CRYBA4: variants seen among roughly 807,000 people sequenced by gnomAD.
CRYBA4 encodes beta-crystallin A4.
A neutral mutation model predicts 31.7 loss-of-function variants in CRYBA4; 30 were observed. The ratio of observed to expected loss-of-function variants is 0.95; its 90% CI spans 0.71 to 1.28. The LOEUF (loss-of-function observed/expected upper bound fraction) is 1.28, where lower values mean the gene tolerates loss of function less well. CRYBA4 is among the 50% of genes most tolerant of loss of function. The pLI, the probability that CRYBA4 is intolerant of heterozygous loss-of-function variation, is 0.00. For missense variants in CRYBA4, 225 were observed against 260.7 expected, an observed-to-expected ratio of 0.86 and a Z score of 0.94; for synonymous variants, 102 against 102.3, an observed-to-expected ratio of 1.00 and a Z score of 0.02.
At chr22:26,622,124 C>A in intron 1 of CRYBA4, 138 bp downstream of exon 1, 1 of 271,966 alleles carries the variant, frequency 3.7e-6, no homozygotes, top group Admixed American at 5.6e-5. Flanking sequence ...AAGGATGAGC[C>A]CCAACCATCA....
intron 4 of CRYBA4, among the ~76,000 whole-genome samples, chr22:26,626,273 A>G (rs1300895912): frequency 2.6e-5 from 4 of 152,174 alleles, no homozygotes; most frequent in Non-Finnish European, 4.4e-5. Context: ...GTGTGGTGGC[A>G]CATGCCTGTA....
At chr22:26,609,978 C>T in the CRYBA4 span, among the ~76,000 whole-genome samples, 1 of 152,168 alleles carries the variant, frequency 6.6e-6, no homozygotes, top group African/African-American at 2.4e-5. Context: ...AATACTGTTC[C>T]TGATTAAAGG....
intron 3 of CRYBA4, among the ~76,000 whole-genome samples, chr22:26,623,765 T>A (rs199762186): frequency 6.7e-6 from 1 of 148,414 alleles, no homozygotes; most frequent in African/African-American, 2.5e-5. Context: ...TCATTTTTTG[T>A]AAAAAAAAAA....
At chr22:26,599,670 C>G in the CRYBA4 span, 5 of 1,613,924 alleles carry the variant, frequency 3.1e-6, no homozygotes, top group Non-Finnish European at 4.2e-6. Flanking sequence ...GATAGCCAAC[C>G]CATCTGAGAG....
intron 5 of CRYBA4, among the ~76,000 whole-genome samples, chr22:26,629,822 G>T (rs5761641): frequency 2.6e-5 from 4 of 151,400 alleles, no homozygotes; most frequent in African/African-American, 9.7e-5. Flanking sequence ...AGGGAGAAAG[G>T]GGAAAGAACA....
the CRYBA4 span, among the ~76,000 whole-genome samples, chr22:26,603,138 A>G: frequency 1.3e-5 from 2 of 148,754 alleles, no homozygotes; most frequent in African/African-American, 5.0e-5. Flanking sequence ...AAAAAAAAAA[A>G]AAAAAACAAA....
At chr22:26,591,952 A>T in the CRYBA4 span, among the ~76,000 whole-genome samples, 2 of 148,822 alleles carry the variant, frequency 1.3e-5, no homozygotes. Flanking sequence ...CACAGATATT[A>T]AGTAATTTGC....
At position 26,630,549 on chromosome 22, in the gene CRYBA4, T is replaced by G. The variant is rs1057281661; in HGVS notation, c.*62T>G. 1 of 1,457,372 alleles carries G rather than the reference T, an allele frequency of 6.9e-7. No individual in the cohort carries two copies. Among genetic ancestry groups the G allele is most frequent in the Non-Finnish European group, 9.4e-7 (1 of 1,060,186 alleles). 90.3% of individuals were successfully genotyped at this position (1,457,372 alleles called of 1,614,324 possible). A position where few individuals can be genotyped will look rare whatever the true frequency, so the allele number is the denominator to read the frequency against. ...TCTGCAATGGAGGCGCTCTGGAGGC[T>G]GTGGTGTGTTCTCTCCTTCTGCCTC... On this transcript the variant is annotated 3_prime_UTR_variant, in exon 6 of 6. Transcript: ENST00000354760.
At chr22:26,629,212 C>T (rs1602343617) in intron 5 of CRYBA4, among the ~76,000 whole-genome samples, 2 of 151,996 alleles carry the variant, frequency 1.3e-5, no homozygotes, top group Admixed American at 1.3e-4. Context: ...ATCAGAACCA[C>T]TTTCTGAGGT....
At chr22:26,615,740 C>T in the CRYBA4 span, among the ~76,000 whole-genome samples, 21 of 152,180 alleles carry the variant, frequency 1.4e-4, no homozygotes, top group Non-Finnish European at 1.5e-5. Flanking sequence ...TCTCGAACTC[C>T]TGACCTCAGG....
At chr22:26,622,742 A>G (rs1044271648) in intron 2 of CRYBA4, 107 bp downstream of exon 2, 8 of 868,558 alleles carry the variant, frequency 9.2e-6, no homozygotes, top group African/African-American at 3.3e-5. Context: ...CAGAGGTGCA[A>G]TCAAGGCTCA....
chr22:26,601,578 C>T, the CRYBA4 span, among the ~76,000 whole-genome samples: 1 of 151,372 alleles, frequency 6.6e-6, no homozygotes, highest in Admixed American at 6.6e-5. Flanking sequence ...TCCACATCAG[C>T]GCCGGCCCTT....
the CRYBA4 span, among the ~76,000 whole-genome samples, chr22:26,610,931 T>C: frequency 2.6e-5 from 4 of 152,158 alleles, no homozygotes; most frequent in African/African-American, 9.7e-5. Flanking sequence ...ACTGGAACCC[T>C]TGCAGGCTTT....
upstream of CRYBA4, among the ~76,000 whole-genome samples, chr22:26,617,286 C>T (rs1371441905): frequency 6.6e-6 from 1 of 152,116 alleles, no homozygotes; most frequent in Non-Finnish European, 1.5e-5. Context: ...TGTCCCCGGA[C>T]AAAAATAATG....
the CRYBA4 span, chr22:26,601,975 T>C: frequency 6.2e-7 from 1 of 1,613,744 alleles, no homozygotes; most frequent in Non-Finnish European, 8.5e-7. Context: ...GGTGTTGCCC[T>C]TGAAGTTGGC....
At position 26,625,386 on chromosome 22, in the gene CRYBA4, G is replaced by T. The variant is rs1929669805; in HGVS notation, c.159-95G>T. 1.0e-5 allele frequency: 14 copies of T among 1,401,192 alleles called. No homozygotes were observed. The Admixed American group carries it at 1.9e-4, about 19-fold the overall frequency. 86.8% of individuals were successfully genotyped at this position (1,401,192 alleles called of 1,614,324 possible). On this transcript the variant is annotated intron_variant, in intron 3 of 5. Transcript: ENST00000354760. ...CCTGGGGGCACAGTCACCCCTGAATGGTTGTGACTGTGACCGTTCTAGACC... is the reference window on the plus strand; with the variant it reads ...CCTGGGGGCACAGTCACCCCTGAATTGTTGTGACTGTGACCGTTCTAGACC...
At chr22:26,623,183 C>T (rs749537283) in intron 2 of CRYBA4, 51 bp from the exon 3 acceptor site, 1 of 1,484,804 alleles carries the variant, frequency 6.7e-7, no homozygotes. Context: ...AACCTCTCAC[C>T]CTTCACGGGA....
the CRYBA4 span, chr22:26,608,053 G>T: frequency 6.2e-7 from 1 of 1,613,962 alleles, no homozygotes; most frequent in Non-Finnish European, 8.5e-7. Flanking sequence ...AGGCAGACAG[G>T]AGACATATGG....
At chr22:26,629,653 T>G (rs2064491609) in intron 5 of CRYBA4, among the ~76,000 whole-genome samples, 1 of 141,590 alleles carries the variant, frequency 7.1e-6, no homozygotes, top group African/African-American at 2.6e-5. Flanking sequence ...CAGAATTACT[T>G]GAACCCAGGA....
Sources: gnomAD v4.1 joint callset for allele counts (sites outside exome capture counted in the v4.1 genomes callset) on GRCh38, gnomAD v4.1.1 for gene constraint, MANE v1.5 for transcripts, NCBI Gene and HGNC (gene_info 2026-07-23, HGNC 2026-07-21) for gene names.